ERC2: variants seen among roughly 807,000 people sequenced by gnomAD.
ERC2 encodes ERC protein 2.
A neutral mutation model predicts 114.8 loss-of-function variants in ERC2; 42 were observed. That is an observed-to-expected ratio of 0.37 (90% CI 0.29 to 0.47). ERC2 has a LOEUF of 0.47. ERC2 is among the 20% of genes least tolerant of loss of function. ERC2 has a pLI of 0.99. For missense variants in ERC2, 939 were observed against 1,150.7 expected (o/e 0.82, Z 2.66); for synonymous variants, 454 against 425.5 (o/e 1.07, Z -0.82).
intron 3 of ERC2, among the ~76,000 whole-genome samples, chr3:56,224,275 T>C (rs2050109771): frequency 6.6e-6 from 1 of 152,156 alleles, no homozygotes; most frequent in Non-Finnish European, 1.5e-5. Context: ...AGTGAATTAT[T>C]TACACAAGGA....
chr3:55,813,391 G>T (rs1361824519), intron 14 of ERC2, among the ~76,000 whole-genome samples: 1 of 152,224 alleles, frequency 6.6e-6, no homozygotes, highest in Admixed American at 6.5e-5. Context: ...TGCAGATGGA[G>T]AACTCATCAC....
intron 3 of ERC2, among the ~76,000 whole-genome samples, chr3:56,280,644 A>G (rs1460652319): frequency 6.6e-6 from 1 of 152,214 alleles, no homozygotes; most frequent in African/African-American, 2.4e-5. Flanking sequence ...GGAATTTTCC[A>G]CAAAGTTGCC....
In ERC2 at chr3:56,074,549, AT is replaced by A. The variant is rs553481390; in HGVS notation, c.1641+6267del. Among the ~76,000 whole-genome samples the A allele has an allele frequency of 8.5e-5, 13 of 152,340 alleles. No individual in the cohort carries two copies. The East Asian group carries it at 2.3e-3, about 27-fold the overall frequency. Reference sequence around the variant, plus strand: ...AGAAGTGAGAACTAGAGAAGGAAGCATTCTCTTTGCAGAATAAGATGATATT... The same window carrying A: ...AGAAGTGAGAACTAGAGAAGGAAGCATCTCTTTGCAGAATAAGATGATATT... On this transcript the variant is annotated intron_variant, in intron 7 of 17. Transcript: ENST00000288221.
chr3:55,826,433 A>C lies in ERC2; in HGVS notation c.2564+61956T>G, dbSNP rs72877152. 6.8e-3 allele frequency among the ~76,000 whole-genome samples: 1,029 copies of C among 152,322 alleles called. 14 individuals carry two copies. The highest frequency in any genetic ancestry group is 0.024 in the African/African-American group (988 of 41,562). ...TACCTTAAGTTGAAGCCTATTTGAC[A>C]CTGGCAAATGAAGTAACTTCCCTAA... is the stretch of plus-strand genomic sequence containing the variant. On this transcript the variant is annotated intron_variant, in intron 14 of 17. Transcript: ENST00000288221.
intron 14 of ERC2, among the ~76,000 whole-genome samples, chr3:55,875,941 A>G (rs572158040): frequency 6.6e-6 from 1 of 152,284 alleles, no homozygotes; most frequent in East Asian, 1.9e-4. Flanking sequence ...GAGAAGAAGG[A>G]AGAGAGGAAG....
intron 17 of ERC2, among the ~76,000 whole-genome samples, chr3:55,662,973 A>G (rs2061203651): frequency 6.6e-6 from 1 of 152,208 alleles, no homozygotes; most frequent in Non-Finnish European, 1.5e-5. Flanking sequence ...GACCTCGCAC[A>G]TAGAAGGTAC....
Position 55,898,835 on chromosome 3 carries a change from T to C in ERC2, c.2404-10286A>G, listed in dbSNP as rs149894787. On this transcript the variant is annotated intron_variant, in intron 13 of 17. Coordinates refer to ENST00000288221, the MANE Select transcript of ERC2 (RefSeq NM_015576.3). The stretch of plus-strand genomic sequence containing the variant: ...AACCAAATTAATCATACACAAAATA[T>C]GCATTGTTCATATTTTAATCTTACT... Among the ~76,000 whole-genome samples, 660 of 152,270 alleles carry C rather than the reference T, an allele frequency of 4.3e-3. 9 individuals carry two copies. The highest frequency in any genetic ancestry group is 0.041 in the East Asian group (211 of 5,192).
intron 17 of ERC2, among the ~76,000 whole-genome samples, chr3:55,642,693 C>A (rs2060238101): frequency 6.6e-6 from 1 of 152,108 alleles, no homozygotes; most frequent in South Asian, 2.1e-4. Context: ...CATAATGATA[C>A]TGTGCCATTC....
intron 17 of ERC2, among the ~76,000 whole-genome samples, chr3:55,673,512 G>A (rs2061649449): frequency 6.6e-6 from 1 of 152,156 alleles, no homozygotes; most frequent in Non-Finnish European, 1.5e-5. Flanking sequence ...GAACCTGGGA[G>A]ACGGAGGTTG....
intron 17 of ERC2, among the ~76,000 whole-genome samples, chr3:55,630,437 G>A (rs527369063): frequency 6.6e-6 from 1 of 152,298 alleles, no homozygotes; most frequent in Non-Finnish European, 1.5e-5. Flanking sequence ...CCAAAGTGCT[G>A]GGATTACAGG....
At chr3:56,064,243 G>A (rs150866941) in intron 7 of ERC2, among the ~76,000 whole-genome samples, 3 of 152,246 alleles carry the variant, frequency 2.0e-5, no homozygotes, top group East Asian at 1.9e-4. Context: ...CCTAAGAAAC[G>A]TGTCGGTAAC....
At chr3:55,654,129 A>T (rs1575960382) in intron 17 of ERC2, among the ~76,000 whole-genome samples, 1 of 152,238 alleles carries the variant, frequency 6.6e-6, no homozygotes, top group African/African-American at 2.4e-5. Context: ...TAAAGAGGAG[A>T]TCAAAAGAAA....
At chr3:56,160,510 G>C (rs2081987562) in intron 4 of ERC2, among the ~76,000 whole-genome samples, 1 of 152,068 alleles carries the variant, frequency 6.6e-6, no homozygotes, top group African/African-American at 2.4e-5. Context: ...TTTTGGTTTT[G>C]TTGCAATTGA....
chr3:56,088,927 T>A (rs1181729873), intron 6 of ERC2, among the ~76,000 whole-genome samples: 1 of 152,202 alleles, frequency 6.6e-6, no homozygotes, highest in Non-Finnish European at 1.5e-5. Flanking sequence ...CAGTGATTTA[T>A]ATACCGCAGG....
chr3:56,397,920 G>A (rs1202431914), intron 2 of ERC2, among the ~76,000 whole-genome samples: 1 of 152,172 alleles, frequency 6.6e-6, no homozygotes, highest in Non-Finnish European at 1.5e-5. Context: ...GGCAGCAGAA[G>A]AAGGGGGGAC....
At chr3:56,365,280 T>C (rs2059107471) in intron 2 of ERC2, among the ~76,000 whole-genome samples, 1 of 152,236 alleles carries the variant, frequency 6.6e-6, no homozygotes, top group Non-Finnish European at 1.5e-5. Context: ...TATATTTTGA[T>C]ATGTTCAGAC....
intron 14 of ERC2, among the ~76,000 whole-genome samples, chr3:55,738,664 T>G (rs1575440983): frequency 1.3e-5 from 2 of 152,276 alleles, no homozygotes; most frequent in Middle Eastern, 6.8e-3. Context: ...CTGTGTCTAC[T>G]TTCAGCCTGC....
chr3:56,022,780 A>G (rs2073808316), intron 7 of ERC2, among the ~76,000 whole-genome samples: 1 of 152,208 alleles, frequency 6.6e-6, no homozygotes, highest in South Asian at 2.1e-4. Context: ...ACACCACCTT[A>G]GCAACACAGA....
intron 17 of ERC2, among the ~76,000 whole-genome samples, chr3:55,623,041 TTCCAGATA>T (rs1228887335): frequency 6.6e-6 from 1 of 152,196 alleles, no homozygotes; most frequent in Non-Finnish European, 1.5e-5. Context: ...CTGAGCAAAA[TTCCAGATA>T]AAGAATTCAT....
Sources: allele counts gnomAD v4.1 joint callset (sites outside exome capture counted in the v4.1 genomes callset), GRCh38; gene constraint gnomAD v4.1.1; transcripts MANE v1.5; gene names NCBI Gene and HGNC (gene_info 2026-07-23, HGNC 2026-07-21).